The following ZNF333 variants were observed in gnomAD, a reference collection of about 807,000 sequenced individuals.
ZNF333 encodes zinc finger protein 333.
Under a neutral mutation model 76.1 loss-of-function variants are expected in ZNF333, and 61 were observed. The ratio of observed to expected loss-of-function variants is 0.80; its 90% CI spans 0.65 to 0.99. ZNF333 has a LOEUF of 0.99. ZNF333 is among the 50% of genes least tolerant of loss of function. ZNF333 has a pLI of 0.00. For missense variants in ZNF333, 717 were observed against 822.4 expected, an observed-to-expected ratio of 0.87 and a Z score of 1.57; for synonymous variants, 284 against 305.0, an observed-to-expected ratio of 0.93 and a Z score of 0.72.
intron 11 of ZNF333, among the ~76,000 whole-genome samples, chr19:14,729,223 T>A (rs1235502331): frequency 6.6e-6 from 1 of 152,186 alleles, no homozygotes; most frequent in Non-Finnish European, 1.5e-5. Context: ...TCAGGGTTTC[T>A]CAACTGTGAC....
chr19:14,699,318 G>A (rs1165240726), intron 5 of ZNF333, 37 bp downstream of exon 5: 1 of 1,585,926 alleles, frequency 6.3e-7, no homozygotes. Flanking sequence ...TCCCAGCATG[G>A]GAGAAGTTGA....
intron 5 of ZNF333, among the ~76,000 whole-genome samples, chr19:14,703,833 C>T (rs1441432188): frequency 5.3e-5 from 8 of 152,162 alleles, no homozygotes; most frequent in African/African-American, 1.2e-4. Context: ...CTGTGGGTCA[C>T]GGGATTTGGA....
chr19:14,719,566 G>C lies in ZNF333; in HGVS notation c.*241G>C, dbSNP rs1274079942. On this transcript the variant is annotated 3_prime_UTR_variant, in exon 12 of 12. Transcript: ENST00000292530. The stretch of plus-strand genomic sequence containing the variant: ...GACTTATAGTGAAATGCATACATCT[G>C]AAGTGTACAGTTGGATGAGTTTGAC... 4 of 1,090,882 alleles carry C rather than the reference G, an allele frequency of 3.7e-6. No individual in the cohort carries two copies. The highest frequency in any genetic ancestry group is 3.6e-6 in the Non-Finnish European group (3 of 830,316). The allele number at this position is 1,090,882 out of a possible 1,614,324, so 67.6% of individuals were successfully genotyped here.
intron 7 of ZNF333, 24 bp downstream of exon 7, chr19:14,706,797 C>G (rs565544429): frequency 6.2e-7 from 1 of 1,603,520 alleles, no homozygotes; most frequent in Non-Finnish European, 8.5e-7. Context: ...GCGTGGAACA[C>G]GTGGCCAGAG....
chr19:14,715,312 A>C, intron 7 of ZNF333, 70 bp from the exon 8 acceptor site: 1 of 1,413,726 alleles, frequency 7.1e-7, no homozygotes, highest in Non-Finnish European at 9.9e-7. Context: ...CAGGGTGGGC[A>C]GACTTGGGGC....
In ZNF333 at chr19:14,721,798, A is replaced by G. The variant is rs1250747414; in HGVS notation, c.*2473A>G. 6.6e-6 allele frequency: 1 copy of G among 152,208 alleles called. No homozygotes were observed. Among genetic ancestry groups the G allele is most frequent in the African/African-American group, 2.4e-5 (1 of 41,458 alleles). 9.4% of individuals were successfully genotyped at this position (152,208 alleles called of 1,614,324 possible). A position where few individuals can be genotyped will look rare whatever the true frequency, so the allele number is the denominator to read the frequency against. On this transcript the variant is annotated 3_prime_UTR_variant, in exon 12 of 12. Coordinates refer to ENST00000292530, the MANE Select transcript of ZNF333 (RefSeq NM_032433.4). ...CCACATTTTCTTTATCCATTCATCC[A>G]CCGATGGACAGTTAGGTTGATTCCA...
intron 7 of ZNF333, chr19:14,707,798 G>A (rs543317565): frequency 0.021 from 6,684 of 312,834 alleles, 412 homozygotes; most frequent in African/African-American, 0.13. Context: ...TGATCCGCCC[G>A]CCTCGGCCTC....
At chr19:14,733,163 T>G (rs2042692425) in exon 12 of ZNF333, 1 of 152,196 alleles carries the variant, frequency 6.6e-6, no homozygotes, top group African/African-American at 2.4e-5. Flanking sequence ...TATTATGTGG[T>G]CTCTTGAACC....
intron 1 of ZNF333, 40 bp from the exon 2 acceptor site, chr19:14,693,411 C>T: frequency 1.3e-6 from 2 of 1,532,082 alleles, no homozygotes; most frequent in South Asian, 2.4e-5. Context: ...CTGCTTCCGT[C>T]CTCACCCCTT....
chr19:14,700,698 AAGTTAG>A (rs1319693513), intron 5 of ZNF333, among the ~76,000 whole-genome samples: 2 of 152,088 alleles, frequency 1.3e-5, no homozygotes, highest in Admixed American at 1.3e-4. Context: ...GTATTGGTGA[AAGTTAG>A]AGTTAGGGTT....
chr19:14,730,518 T>C (rs1454075840), intron 11 of ZNF333, among the ~76,000 whole-genome samples: 2 of 103,544 alleles, frequency 1.9e-5, no homozygotes, highest in Non-Finnish European at 4.5e-5. Flanking sequence ...CTCCTTTCTT[T>C]TTCTTTGTCT....
intron 5 of ZNF333, chr19:14,701,511 A>G (rs900585522): frequency 9.4e-5 from 86 of 915,772 alleles, no homozygotes; most frequent in Middle Eastern, 5.6e-4. Flanking sequence ...GAATGAAGGA[A>G]GGAATGGATA....
chr19:14,718,796 A>G lies in ZNF333; in HGVS notation c.1469A>G (p.His490Arg), dbSNP rs2042514977. 1.9e-6 allele frequency: 3 copies of G among 1,612,740 alleles called. No homozygotes were observed. The East Asian group carries it at 6.7e-5, about 36-fold the overall frequency. Residue 490 changes from histidine to arginine, a missense_variant, in exon 12 of 12, where the codon CAC becomes CGC. His to Arg is a conservative substitution (Grantham distance 29, BLOSUM62 0). Transcript: ENST00000292530. ...CSQCGKAFREHSSLKTHLRTH... is the reference protein window; with the variant it reads ...CSQCGKAFRERSSLKTHLRTH... ...CAGTGTGGGAAAGCCTTCAGGGAAC[A>G]CTCTTCACTGAAGACACATCTGCGA...
intron 1 of ZNF333, 83 bp downstream of exon 1, chr19:14,690,233 T>A (rs1000560575): frequency 2.0e-5 from 3 of 152,094 alleles, no homozygotes; most frequent in East Asian, 1.9e-4. Context: ...CTAGAACAGC[T>A]CCGCCTGTGT....
intron 5 of ZNF333, among the ~76,000 whole-genome samples, chr19:14,701,366 A>C (rs1393730989): frequency 6.6e-6 from 1 of 152,038 alleles, no homozygotes; most frequent in African/African-American, 2.4e-5. Context: ...CCTCCTCCCG[A>C]GTAGCTGGGA....
rs372094120 is a variant in ZNF333 at position 14,718,873 on chromosome 19, C to T, written c.1546C>T (p.Arg516Trp). The part of the protein sequence containing the change: ...YECNQCGKPF[R>W]TSTHLNVHKR... ...ATGCAACCAGTGTGGCAAGCCCTTC[C>T]GGACGAGCACTCATCTGAACGTGCA... The change falls in exon 12 of 12, where the codon CGG becomes TGG. Residue 516 changes from arginine (R) to tryptophan (W), a missense_variant. Transcript: ENST00000292530. 105 of 1,614,152 alleles carry T rather than the reference C, an allele frequency of 6.5e-5. No homozygotes were observed. In the Middle Eastern group the frequency reaches 6.6e-4, roughly 10 times the overall value.
intron 5 of ZNF333, among the ~76,000 whole-genome samples, chr19:14,704,324 G>T (rs56290936): frequency 6.6e-6 from 1 of 151,856 alleles, no homozygotes; most frequent in South Asian, 2.1e-4. Context: ...TCGCTCTGTC[G>T]TCCAGGCTGG....
chr19:14,722,791 T>C (rs920550647), downstream of ZNF333, among the ~76,000 whole-genome samples: 1 of 152,174 alleles, frequency 6.6e-6, no homozygotes, highest in Non-Finnish European at 1.5e-5. Flanking sequence ...TGTTTGTTCG[T>C]TTTTGTGTTT....
intron 5 of ZNF333, among the ~76,000 whole-genome samples, chr19:14,699,855 A>T (rs1973552798): frequency 6.6e-6 from 1 of 152,104 alleles, no homozygotes; most frequent in African/African-American, 2.4e-5. Flanking sequence ...TGTGAATAGG[A>T]GGCAGCCCTG....
Sources: allele counts gnomAD v4.1 joint callset (sites outside exome capture counted in the v4.1 genomes callset), GRCh38; gene constraint gnomAD v4.1.1; transcripts MANE v1.5; gene names NCBI Gene and HGNC (gene_info 2026-07-23, HGNC 2026-07-21).